CNTNAP2: variants seen among roughly 807,000 people sequenced by gnomAD.
The protein encoded by CNTNAP2 is contactin-associated protein-like 2.
Under a neutral mutation model 155.2 loss-of-function variants are expected in CNTNAP2, and 98 were observed. The ratio of observed to expected loss-of-function variants is 0.63; its 90% CI spans 0.54 to 0.75. The LOEUF (loss-of-function observed/expected upper bound fraction) is 0.75. Ranked by LOEUF, CNTNAP2 falls within the 30% of genes least tolerant of loss-of-function variation. CNTNAP2 has a pLI of 0.00. For synonymous variants in CNTNAP2, 651 were observed against 631.2 expected, an observed-to-expected ratio of 1.03 and a Z score of -0.47; for missense variants, 1,727 against 1,688.1, an observed-to-expected ratio of 1.02 and a Z score of -0.40.
rs546974001 is a variant in CNTNAP2, at chr7:146,403,821, A to T, written c.97+286848A>T. Among the ~76,000 whole-genome samples the T allele has an allele frequency of 3.4e-3, 519 of 152,304 alleles. 1 individual carries two copies. The highest frequency in any genetic ancestry group is 0.012 in the African/African-American group (479 of 41,570). On this transcript the variant is annotated intron_variant, in intron 1 of 23. Coordinates refer to ENST00000361727, the MANE Select transcript of CNTNAP2 (RefSeq NM_014141.6). ...CACTGTCTTCACTGGGATAGTCATG[A>T]ATTTCCAGTTTCGGTGTACTGAGAT...
At chr7:146,596,385 G>A (rs1175961871) in intron 1 of CNTNAP2, among the ~76,000 whole-genome samples, 4 of 151,790 alleles carry the variant, frequency 2.6e-5, no homozygotes, top group African/African-American at 9.7e-5. Flanking sequence ...ATAATGAGAG[G>A]AAACAGTAAT....
chr7:146,713,556 A>G (rs556046502), intron 1 of CNTNAP2, among the ~76,000 whole-genome samples: 2 of 152,250 alleles, frequency 1.3e-5, no homozygotes, highest in East Asian at 3.9e-4. Context: ...CTCACCTGCA[A>G]TCTATTGTTT....
intron 1 of CNTNAP2, among the ~76,000 whole-genome samples, chr7:146,173,520 A>G (rs537197916): frequency 5.3e-5 from 8 of 152,152 alleles, no homozygotes; most frequent in Admixed American, 1.3e-4. Flanking sequence ...ATACATGCGT[A>G]TTTTAGGGTA....
chr7:148,124,830 G>T (rs201373049), intron 16 of CNTNAP2, among the ~76,000 whole-genome samples: 1 of 152,216 alleles, frequency 6.6e-6, no homozygotes, highest in Non-Finnish European at 1.5e-5. Flanking sequence ...ATGAACAATC[G>T]GTGGAGAGGT....
intron 1 of CNTNAP2, among the ~76,000 whole-genome samples, chr7:146,262,873 A>AAT (rs1799940581): frequency 6.6e-6 from 1 of 152,192 alleles, no homozygotes; most frequent in Admixed American, 6.5e-5. Context: ...AGTAATTGGG[A>AAT]ATATATATAA....
intron 1 of CNTNAP2, among the ~76,000 whole-genome samples, chr7:146,198,167 G>T (rs1406455646): frequency 6.6e-6 from 1 of 152,036 alleles, no homozygotes; most frequent in African/African-American, 2.4e-5. Flanking sequence ...ATTTGGGTGG[G>T]CACACAGGCA....
At chr7:146,734,181 C>A (rs906006649) in intron 1 of CNTNAP2, among the ~76,000 whole-genome samples, 1 of 152,058 alleles carries the variant, frequency 6.6e-6, no homozygotes, top group Non-Finnish European at 1.5e-5. Flanking sequence ...GAGACAAATT[C>A]ATAGGCTGGC....
At chr7:146,193,594 G>A (rs528148389) in intron 1 of CNTNAP2, among the ~76,000 whole-genome samples, 41 of 152,298 alleles carry the variant, frequency 2.7e-4, no homozygotes, top group African/African-American at 9.4e-4. Flanking sequence ...CAGAGCAGAA[G>A]GGCCATGGGC....
intron 20 of CNTNAP2, among the ~76,000 whole-genome samples, chr7:148,245,451 A>G (rs1446318598): frequency 1.3e-5 from 2 of 152,116 alleles, no homozygotes; most frequent in African/African-American, 4.8e-5. Context: ...GAAGGGGAGG[A>G]CCAGATGTTT....
chr7:148,334,017 G>A (rs144052572), intron 21 of CNTNAP2, among the ~76,000 whole-genome samples: 33 of 152,308 alleles, frequency 2.2e-4, no homozygotes, highest in Middle Eastern at 3.4e-3. Flanking sequence ...TATTCTTAGC[G>A]TGACAAGTGA....
At chr7:146,833,924 C>G (rs1803565442) in intron 2 of CNTNAP2, among the ~76,000 whole-genome samples, 1 of 152,070 alleles carries the variant, frequency 6.6e-6, no homozygotes. Flanking sequence ...TTCTTCTTAT[C>G]TATCTTATCT....
chr7:148,170,689 G>T (rs1805771447), intron 17 of CNTNAP2, among the ~76,000 whole-genome samples: 1 of 152,198 alleles, frequency 6.6e-6, no homozygotes, highest in Non-Finnish European at 1.5e-5. Flanking sequence ...GCTTGGGTTT[G>T]CAGAGATGGT....
intron 10 of CNTNAP2, among the ~76,000 whole-genome samples, chr7:147,434,033 T>C (rs760254858): frequency 6.6e-6 from 1 of 152,016 alleles, no homozygotes; most frequent in African/African-American, 2.4e-5. Context: ...CCAAGCTTAA[T>C]AGGAAAAAAA....
At chr7:148,055,824 C>T (rs1324154199) in intron 15 of CNTNAP2, among the ~76,000 whole-genome samples, 1 of 152,154 alleles carries the variant, frequency 6.6e-6, no homozygotes, top group Admixed American at 6.5e-5. Context: ...CCATTCCTAT[C>T]GCCTTCTTTT....
At chr7:147,493,435 G>C (rs982997049) in intron 11 of CNTNAP2, among the ~76,000 whole-genome samples, 1 of 152,104 alleles carries the variant, frequency 6.6e-6, no homozygotes, top group Non-Finnish European at 1.5e-5. Context: ...TTATTAAGGA[G>C]TGACTATGGG....
chr7:148,050,478 G>GTGCTTGTGTTTTAAGCTGTGTTA (rs1272408587), intron 15 of CNTNAP2, among the ~76,000 whole-genome samples: 50 of 152,322 alleles, frequency 3.3e-4, no homozygotes, highest in African/African-American at 1.1e-3. Context: ...GCTGTACAAT[G>GTGCTTGTGTTTTAAGCTGTGTTA]TGCTTGTGTT....
rs540552013 is a variant in CNTNAP2, at chr7:146,393,590, C to T, written c.97+276617C>T. Among the ~76,000 whole-genome samples the T allele has an allele frequency of 3.9e-5, 6 of 152,222 alleles. No individual in the cohort carries two copies. The East Asian group carries it at 1.2e-3, about 29-fold the overall frequency. ...TTTGGGAATTCTCTAATGGAGCCTCCCTAACTCAAGTTACTATAGGATGGG... is the reference window on the plus strand; with the variant it reads ...TTTGGGAATTCTCTAATGGAGCCTCTCTAACTCAAGTTACTATAGGATGGG... On this transcript the variant is annotated intron_variant, in intron 1 of 23. Coordinates refer to ENST00000361727, the MANE Select transcript of CNTNAP2 (RefSeq NM_014141.6).
intron 15 of CNTNAP2, among the ~76,000 whole-genome samples, chr7:148,108,277 A>G (rs1324179708): frequency 6.6e-6 from 1 of 152,034 alleles, no homozygotes; most frequent in East Asian, 1.9e-4. Flanking sequence ...TTTTTACTTA[A>G]TGGCTACTCT....
At chr7:146,875,933 GCA>G (rs1491501810) in intron 3 of CNTNAP2, among the ~76,000 whole-genome samples, 1 of 15,278 alleles carries the variant, frequency 6.5e-5, no homozygotes, top group Non-Finnish European at 1.0e-4. Context: ...CACATACACA[GCA>G]AAAAAAAAAA....
Sources: allele counts gnomAD v4.1 joint callset (sites outside exome capture counted in the v4.1 genomes callset), GRCh38; gene constraint gnomAD v4.1.1; transcripts MANE v1.5; gene names NCBI Gene and HGNC (gene_info 2026-07-23, HGNC 2026-07-21).